PTGFRN: variants seen among roughly 807,000 people sequenced by gnomAD.
PTGFRN encodes the protein prostaglandin F2 receptor negative regulator.
In PTGFRN, 35 loss-of-function variants were observed where a neutral mutation model predicts 83.2. The observed-to-expected ratio is 0.42, with a 90% CI of 0.32 to 0.56. The LOEUF is 0.56. PTGFRN is among the 20% of genes least tolerant of loss of function. The probability of loss-of-function intolerance (pLI) is 0.11; values close to 1 mark genes in which losing one functional copy is unlikely to be tolerated. For missense variants in PTGFRN, 1,051 were observed against 1,179.5 expected (o/e 0.89, Z 1.60); for synonymous variants, 519 against 498.6 (o/e 1.04, Z -0.55).
rs539653005 is a variant in PTGFRN at position 116,975,042 on chromosome 1, C to T, written c.2167+719C>T. ...CTCCCACCCTAATACTGCGCTTTTC[C>T]TATGGTCTTAGCAAACGGCACACCA... On this transcript the variant is annotated intron_variant, in intron 7 of 8. Coordinates refer to ENST00000393203, the MANE Select transcript of PTGFRN (RefSeq NM_020440.4). Among the ~76,000 whole-genome samples, 17 of 152,326 alleles carry T rather than the reference C, an allele frequency of 1.1e-4. No individual in the cohort carries two copies. The East Asian group carries it at 3.3e-3, about 29-fold the overall frequency.
At chr1:116,970,183 G>C (rs926957821) in intron 6 of PTGFRN, among the ~76,000 whole-genome samples, 1 of 152,170 alleles carries the variant, frequency 6.6e-6, no homozygotes, top group African/African-American at 2.4e-5. Flanking sequence ...TGATCATAGG[G>C]GGAAAGCGTT....
chr1:116,956,238 A>G (rs189502555), intron 4 of PTGFRN, among the ~76,000 whole-genome samples: 1 of 152,206 alleles, frequency 6.6e-6, no homozygotes, highest in East Asian at 1.9e-4. Flanking sequence ...CAAGCCAAGA[A>G]TCCACTTATT....
chr1:116,970,400 A>T (rs1177435866), intron 6 of PTGFRN, among the ~76,000 whole-genome samples: 1 of 151,860 alleles, frequency 6.6e-6, no homozygotes. Flanking sequence ...TGAGATTATT[A>T]TGTGGTTTTT....
chr1:116,948,992 G>C (rs961755860), intron 3 of PTGFRN, among the ~76,000 whole-genome samples, 200 bp from the exon 4 acceptor site: 2 of 152,148 alleles, frequency 1.3e-5, no homozygotes, highest in African/African-American at 4.8e-5. Context: ...GGCTATTGTT[G>C]TTTTTATAAA....
At chr1:116,934,559 A>G (rs1484194252) in intron 1 of PTGFRN, among the ~76,000 whole-genome samples, 1 of 152,038 alleles carries the variant, frequency 6.6e-6, no homozygotes, top group Admixed American at 6.6e-5. Flanking sequence ...GATTGTTTCA[A>G]TATATTTCAG....
Position 116,918,636 on chromosome 1 carries a change from C to G in PTGFRN, c.49+8384C>G, listed in dbSNP as rs1169748384. 6.6e-6 allele frequency among the ~76,000 whole-genome samples: 1 copy of G among 152,198 alleles called. No individual in the cohort carries two copies. The highest frequency in any genetic ancestry group is 1.5e-5 in the Non-Finnish European group (1 of 68,032). ...AGTGGGACTGAGGCAAAGCCATGGTCAGAGTCTGAGCTGGAGGAGAGTGGG... is the reference window on the plus strand; with the variant it reads ...AGTGGGACTGAGGCAAAGCCATGGTGAGAGTCTGAGCTGGAGGAGAGTGGG... On this transcript the variant is annotated intron_variant, in intron 1 of 8. Coordinates refer to ENST00000393203, the MANE Select transcript of PTGFRN (RefSeq NM_020440.4). The surrounding 1 kb of genome is among the most constrained non-coding windows in gnomAD (Gnocchi z 4.1).
At chr1:116,919,637 T>C (rs1180358884) in intron 1 of PTGFRN, among the ~76,000 whole-genome samples, 3 of 152,138 alleles carry the variant, frequency 2.0e-5, no homozygotes, top group African/African-American at 7.2e-5. Context: ...GCAAACTGAG[T>C]CACAGAGGTG....
intron 1 of PTGFRN, among the ~76,000 whole-genome samples, chr1:116,921,630 CTT>C (rs35543292): frequency 1.4e-5 from 2 of 144,066 alleles, no homozygotes; most frequent in South Asian, 2.2e-4. Context: ...GCTTTGTAAT[CTT>C]TTTTTTTTTT....
chr1:116,981,151 C>G (rs1158252509), intron 7 of PTGFRN, among the ~76,000 whole-genome samples: 1 of 152,150 alleles, frequency 6.6e-6, no homozygotes, highest in African/African-American at 2.4e-5. Context: ...GTTGATGTCC[C>G]TCTCTCACTC....
At chr1:116,925,432 A>T (rs957102351) in intron 1 of PTGFRN, among the ~76,000 whole-genome samples, 1 of 141,898 alleles carries the variant, frequency 7.0e-6, no homozygotes, top group Non-Finnish European at 1.5e-5. Context: ...CTCTCAAAAA[A>T]AAGAAAAAAA....
chr1:116,947,797 T>TA (rs977936191), intron 3 of PTGFRN, among the ~76,000 whole-genome samples: 1 of 152,188 alleles, frequency 6.6e-6, no homozygotes, highest in Non-Finnish European at 1.5e-5. Flanking sequence ...TTTCCATACT[T>TA]AGTCCTCACA....
At chr1:116,912,568 C>CG (rs1649300328) in intron 1 of PTGFRN, among the ~76,000 whole-genome samples, 2 of 152,214 alleles carry the variant, frequency 1.3e-5, no homozygotes, top group South Asian at 4.1e-4. Flanking sequence ...CCTGTTTCTA[C>CG]GGCTACTGTC....
At chr1:116,950,840 T>C (rs1222661200) in intron 4 of PTGFRN, among the ~76,000 whole-genome samples, 1 of 151,918 alleles carries the variant, frequency 6.6e-6, no homozygotes, top group Non-Finnish European at 1.5e-5. Flanking sequence ...AGAAGCGGGG[T>C]TTATCTGGCA....
intron 3 of PTGFRN, among the ~76,000 whole-genome samples, chr1:116,948,245 A>G (rs1235043138): frequency 1.3e-5 from 2 of 152,206 alleles, no homozygotes; most frequent in African/African-American, 2.4e-5. Flanking sequence ...ATGCTCTTTT[A>G]AAATCTTCTG....
At chr1:116,926,018 C>T (rs1480192013) in intron 1 of PTGFRN, among the ~76,000 whole-genome samples, 1 of 152,212 alleles carries the variant, frequency 6.6e-6, no homozygotes, top group Non-Finnish European at 1.5e-5. Context: ...GCATAGACCC[C>T]TCATCACCCA....
chr1:116,973,013 TC>T (rs1651047847), intron 6 of PTGFRN, among the ~76,000 whole-genome samples: 1 of 152,072 alleles, frequency 6.6e-6, no homozygotes. Flanking sequence ...AGCCCCAACT[TC>T]CCAGGCTCAA....
rs1650073769 is a variant in PTGFRN, at chr1:116,941,932, G to A, written c.267G>A (p.Arg89=). 6.2e-7 allele frequency: 1 copy of A among 1,614,182 alleles called. No homozygotes were observed. ...AGCTGTACCAGGAGCGGCTGCAGAG[G>A]GGCGAGATCCTGTTAAGGCGGACTG... The part of the protein sequence containing the change: ...PAQLYQERLQ[R]GEILLRRTAN... Residue 89 remains arginine (R), a synonymous_variant, in exon 2 of 9, where the codon AGG becomes AGA. Coordinates refer to ENST00000393203, the MANE Select transcript of PTGFRN (RefSeq NM_020440.4). The surrounding 1 kb of genome is among the most constrained non-coding windows in gnomAD (Gnocchi z 5.0).
intron 6 of PTGFRN, among the ~76,000 whole-genome samples, chr1:116,971,493 C>CCA (rs1553181360): frequency 6.6e-6 from 1 of 152,192 alleles, no homozygotes; most frequent in Non-Finnish European, 1.5e-5. Context: ...ACTCTCTGTA[C>CCA]CATACCCTGT....
intron 1 of PTGFRN, among the ~76,000 whole-genome samples, chr1:116,930,350 G>A (rs554124792): frequency 6.6e-6 from 1 of 152,218 alleles, no homozygotes; most frequent in Non-Finnish European, 1.5e-5. Flanking sequence ...GGACTTTGCT[G>A]TGGTTTTGTC....
Sources: gnomAD v4.1 joint callset for allele counts (sites outside exome capture counted in the v4.1 genomes callset) on GRCh38, gnomAD v4.1.1 for gene constraint, Gnocchi (gnomAD v3.1) non-coding constraint, MANE v1.5 for transcripts, NCBI Gene and HGNC (gene_info 2026-07-23, HGNC 2026-07-21) for gene names.